XKR9: variants seen among roughly 807,000 people sequenced by gnomAD.
XKR9 encodes the protein XK-related protein 9.
A neutral mutation model predicts 32.0 loss-of-function variants in XKR9; 32 were observed. The observed-to-expected ratio is 1.00, with a 90% confidence interval of 0.76 to 1.34. The LOEUF is 1.34. XKR9 is among the 40% of genes most tolerant of loss of function. The pLI is 0.00. For synonymous variants in XKR9, 168 were observed against 143.4 expected (o/e 1.17, Z -1.22); for missense variants, 546 against 429.7 (o/e 1.27, Z -2.39).
chr8:70,901,777 G>C, the XKR9 span, among the ~76,000 whole-genome samples: 1 of 152,122 alleles, frequency 6.6e-6, no homozygotes, highest in African/African-American at 2.4e-5. Context: ...TCTCTTCAAG[G>C]GTTTTTGTGG....
At chr8:70,746,911 C>A (rs1807066624) in intron 2 of XKR9, among the ~76,000 whole-genome samples, 1 of 152,092 alleles carries the variant, frequency 6.6e-6, no homozygotes, top group Admixed American at 6.5e-5. Context: ...AACCCTTGCC[C>A]TCCTCCCTGT....
chr8:71,017,379 G>A, the XKR9 span, among the ~76,000 whole-genome samples: 3 of 152,124 alleles, frequency 2.0e-5, no homozygotes, highest in Non-Finnish European at 4.4e-5. Flanking sequence ...CTTATTGTTT[G>A]AATTCCTTGG....
At chr8:70,893,869 G>C in the XKR9 span, among the ~76,000 whole-genome samples, 6 of 152,030 alleles carry the variant, frequency 3.9e-5, no homozygotes, top group Admixed American at 3.3e-4. Context: ...AGGGTCCTAG[G>C]CTCAGGGTCT....
At chr8:70,770,276 CAGAACAGCAAAG>C (rs1807436360) in intron 2 of XKR9, among the ~76,000 whole-genome samples, 2 of 152,188 alleles carry the variant, frequency 1.3e-5, no homozygotes, top group East Asian at 1.9e-4. Context: ...GTGGAGGCTG[CAGAACAGCAAAG>C]ATTGCTGCCT....
At chr8:70,939,764 G>T in the XKR9 span, among the ~76,000 whole-genome samples, 4 of 151,706 alleles carry the variant, frequency 2.6e-5, 1 homozygote, top group South Asian at 8.3e-4. Flanking sequence ...AATTAAAAAA[G>T]AAAAAAAGAC....
At chr8:70,753,779 G>A (rs948182200) in intron 2 of XKR9, among the ~76,000 whole-genome samples, 30 of 150,726 alleles carry the variant, frequency 2.0e-4, no homozygotes, top group African/African-American at 7.0e-4. Context: ...AATAATAAGA[G>A]CTATCTATGA....
At chr8:70,926,194 C>T in the XKR9 span, among the ~76,000 whole-genome samples, 1 of 152,172 alleles carries the variant, frequency 6.6e-6, no homozygotes, top group Non-Finnish European at 1.5e-5. Context: ...CCTGCCTCAA[C>T]CTCCTGAGTA....
chr8:70,755,198 G>A (rs904692718), intron 2 of XKR9, among the ~76,000 whole-genome samples: 19 of 152,320 alleles, frequency 1.2e-4, no homozygotes, highest in Admixed American at 5.2e-4. Context: ...GCAAATCAAA[G>A]CCACAATGAG....
At chr8:71,041,122 G>T in the XKR9 span, among the ~76,000 whole-genome samples, 1 of 152,118 alleles carries the variant, frequency 6.6e-6, no homozygotes, top group African/African-American at 2.4e-5. Context: ...CATAGTCTGT[G>T]TAAAGAAAAA....
chr8:70,789,141 A>G (rs1347009394), intron 2 of XKR9, among the ~76,000 whole-genome samples: 2 of 152,058 alleles, frequency 1.3e-5, no homozygotes, highest in African/African-American at 4.8e-5. Flanking sequence ...ACAACAAACA[A>G]CAAAACACAG....
the XKR9 span, among the ~76,000 whole-genome samples, chr8:70,901,871 A>C: frequency 6.6e-6 from 1 of 152,158 alleles, no homozygotes; most frequent in African/African-American, 2.4e-5. Context: ...TCAGCTTTCT[A>C]CATAAGGCTA....
chr8:70,687,150 T>C (rs1819309241), intron 3 of XKR9, among the ~76,000 whole-genome samples: 1 of 152,190 alleles, frequency 6.6e-6, no homozygotes. Flanking sequence ...TTCTACTCTC[T>C]ATCTCCATGA....
chr8:70,866,298 C>T, the XKR9 span, among the ~76,000 whole-genome samples: 1 of 152,210 alleles, frequency 6.6e-6, no homozygotes, highest in East Asian at 1.9e-4. Flanking sequence ...AGTTTGTGCT[C>T]TCTTCTTGCC....
the XKR9 span, among the ~76,000 whole-genome samples, chr8:70,805,510 C>G: frequency 2.0e-5 from 3 of 152,152 alleles, no homozygotes; most frequent in African/African-American, 7.2e-5. Flanking sequence ...CGCTAAGCTC[C>G]CTGGGTGGGG....
At chr8:70,849,864 T>C in the XKR9 span, among the ~76,000 whole-genome samples, 1 of 151,808 alleles carries the variant, frequency 6.6e-6, no homozygotes, top group Non-Finnish European at 1.5e-5. Context: ...AGCTGGAAAA[T>C]CTAGAAGAAA....
At chr8:70,871,508 G>A in the XKR9 span, among the ~76,000 whole-genome samples, 2 of 152,104 alleles carry the variant, frequency 1.3e-5, no homozygotes, top group Non-Finnish European at 2.9e-5. Context: ...CTTCTATGGT[G>A]ATCAGCAATC....
downstream of XKR9, among the ~76,000 whole-genome samples, chr8:70,793,325 G>T (rs1227687690): frequency 6.6e-6 from 1 of 152,062 alleles, no homozygotes; most frequent in Admixed American, 6.5e-5. Context: ...TGAAGGCTCT[G>T]CCCTCATGAA....
chr8:70,678,470 T>C (rs1460048446), intron 2 of XKR9, among the ~76,000 whole-genome samples: 1 of 152,186 alleles, frequency 6.6e-6, no homozygotes, highest in Non-Finnish European at 1.5e-5. Context: ...GCAGGAATAT[T>C]TGTCTCTCAT....
chr8:70,904,768 C>A, the XKR9 span, among the ~76,000 whole-genome samples: 1 of 152,114 alleles, frequency 6.6e-6, no homozygotes, highest in Non-Finnish European at 1.5e-5. Context: ...CTGGTTGTTC[C>A]TTTCCATGTT....
Sources: gnomAD v4.1 joint callset for allele counts (sites outside exome capture counted in the v4.1 genomes callset) on GRCh38, gnomAD v4.1.1 for gene constraint, MANE v1.5 for transcripts, NCBI Gene and HGNC (gene_info 2026-07-23, HGNC 2026-07-21) for gene names.